Variants in DNAH3 observed in about 807,000 individuals in gnomAD.
DNAH3 encodes axonemal beta dynein heavy chain 3.
DNAH3 carries 332 observed loss-of-function variants against 432.5 expected under a neutral mutation model. The ratio of observed to expected loss-of-function variants is 0.77; its 90% CI spans 0.70 to 0.84. The LOEUF (loss-of-function observed/expected upper bound fraction) is 0.84. DNAH3 is among the 40% of genes least tolerant of loss of function. The pLI, the probability that DNAH3 is intolerant of heterozygous loss-of-function variation, is 0.00. For synonymous variants in DNAH3, 1,956 were observed against 1,900.2 expected (o/e 1.03, Z -0.76); for missense variants, 4,861 against 5,114.0 (o/e 0.95, Z 1.51).
chr16:21,037,744 C>T lies in DNAH3; in HGVS notation c.4950+17G>A. On this transcript the variant is annotated intron_variant, in intron 34 of 61. Coordinates refer to ENST00000261383, the Ensembl canonical transcript of DNAH3. ...TTGAGCCTTGGTCCTCGGCCAAGGT[C>T]CTGAACCGCTACATACCTGAAACAG... The T allele has an allele frequency of 6.2e-7, 1 of 1,612,764 alleles. No individual in the cohort carries two copies.
At chr16:20,950,273 G>A (rs1200288349) in intron 56 of DNAH3, among the ~76,000 whole-genome samples, 1 of 152,142 alleles carries the variant, frequency 6.6e-6, no homozygotes, top group South Asian at 2.1e-4. Context: ...TGACCTTCTG[G>A]CACTGAACTT....
rs1354710851 is a variant in DNAH3, at chr16:20,985,853, TG to T, written c.7027-139del. On this transcript the variant is annotated intron_variant, in intron 47 of 61. Coordinates refer to ENST00000261383, the Ensembl canonical transcript of DNAH3. ...CTTCAAGGTCATGGGTCATCAGTTT[TG>T]TTTTGTTTCGTTTTGTTTTGAGACA... is the stretch of plus-strand genomic sequence containing the variant. The T allele has an allele frequency of 3.3e-6, 3 of 913,516 alleles. No individual in the cohort carries two copies. The African/African-American group carries it at 5.0e-5, about 15-fold the overall frequency. 56.6% of individuals were successfully genotyped at this position (913,516 alleles called of 1,614,324 possible).
intron 51 of DNAH3, among the ~76,000 whole-genome samples, chr16:20,973,033 T>C (rs1449949597): frequency 6.6e-6 from 1 of 152,002 alleles, no homozygotes; most frequent in Admixed American, 6.6e-5. Context: ...CCAGCTGCCA[T>C]GACCTATTTA....
At chr16:21,078,481 A>G (rs772690079) in intron 20 of DNAH3, among the ~76,000 whole-genome samples, 1 of 152,122 alleles carries the variant, frequency 6.6e-6, no homozygotes, top group Non-Finnish European at 1.5e-5. Flanking sequence ...GGTGACCAAA[A>G]TGAGTGTGCA....
chr16:21,000,504 G>C (rs1415272690), exon 43 of DNAH3: 4 of 1,605,800 alleles, frequency 2.5e-6, no homozygotes, highest in Non-Finnish European at 3.4e-6. Flanking sequence ...TTGTGGGGAT[G>C]ATGAGTTCTG....
rs572630463 is a variant in DNAH3, at chr16:21,134,498, G to A, written c.887-44C>T. The A allele has an allele frequency of 9.6e-6, 15 of 1,557,820 alleles. No individual in the cohort carries two copies. The East Asian group carries it at 3.2e-4, about 33-fold the overall frequency. On this transcript the variant is annotated intron_variant, in intron 6 of 61. Coordinates refer to ENST00000261383, the Ensembl canonical transcript of DNAH3. Reference sequence around the variant, plus strand: ...AACACCTCATTATTAAGCTCTAAGGGTTGTGCTCTTAGCTTCAACTCATTT... The same window carrying A: ...AACACCTCATTATTAAGCTCTAAGGATTGTGCTCTTAGCTTCAACTCATTT...
At chr16:21,119,498 T>C (rs1221929928) in intron 11 of DNAH3, among the ~76,000 whole-genome samples, 1 of 151,450 alleles carries the variant, frequency 6.6e-6, no homozygotes, top group African/African-American at 2.4e-5. Context: ...GGCATGGTGG[T>C]GCACACCTGT....
At chr16:20,987,019 A>C (rs541541616) in intron 47 of DNAH3, among the ~76,000 whole-genome samples, 98 of 152,314 alleles carry the variant, frequency 6.4e-4, no homozygotes, top group Non-Finnish European at 1.2e-3. Flanking sequence ...TTGATCCTAA[A>C]AATGCATTTT....
intron 1 of DNAH3, among the ~76,000 whole-genome samples, chr16:21,151,956 C>T (rs1223681644): frequency 6.6e-6 from 1 of 152,002 alleles, no homozygotes; most frequent in Non-Finnish European, 1.5e-5. Context: ...AGATATGGGC[C>T]AGGTATGGTG....
chr16:20,963,689 C>T, exon 53 of DNAH3: 1 of 1,614,052 alleles, frequency 6.2e-7, no homozygotes, highest in African/African-American at 1.3e-5. Context: ...GCGATGCCTC[C>T]AGTGAGAAGG....
Position 21,031,399 on chromosome 16 carries a change from G to C in DNAH3, c.5198-113C>G, listed in dbSNP as rs530013713. 11 of 1,344,014 alleles carry C rather than the reference G, an allele frequency of 8.2e-6. No homozygotes were observed. The African/African-American group carries it at 1.6e-4, about 20-fold the overall frequency. 83.3% of individuals were successfully genotyped at this position (1,344,014 alleles called of 1,614,324 possible). A position where few individuals can be genotyped will look rare whatever the true frequency, so the allele number is the denominator to read the frequency against. On this transcript the variant is annotated intron_variant, in intron 36 of 61. Transcript: ENST00000261383. ...AACTTTTATAAATATGCCATATGAG[G>C]GAAGTCCTTCTTATAAAACATGTGC...
intron 9 of DNAH3, among the ~76,000 whole-genome samples, chr16:21,124,639 C>T (rs1437467809): frequency 1.4e-5 from 2 of 146,124 alleles, no homozygotes; most frequent in Non-Finnish European, 3.0e-5. Context: ...TCATCTCAAA[C>T]ATTTACTTTT....
At position 21,097,758 on chromosome 16, in the gene DNAH3, T is replaced by C. The variant is rs143827845; in HGVS notation, c.2521-259A>G. On this transcript the variant is annotated intron_variant, in intron 17 of 61. Coordinates refer to ENST00000261383, the Ensembl canonical transcript of DNAH3. ...TGCCCTATCATCTCTGTTTCCACTC[T>C]ATGACAGCCATATCTCCGTTTTCAT... 5.3e-5 allele frequency among the ~76,000 whole-genome samples: 8 copies of C among 152,344 alleles called. No homozygotes were observed. The East Asian group carries it at 7.7e-4, about 15-fold the overall frequency.
At chr16:20,942,975 C>G (rs2083883173) in intron 58 of DNAH3, among the ~76,000 whole-genome samples, 2 of 152,100 alleles carry the variant, frequency 1.3e-5, no homozygotes, top group African/African-American at 4.8e-5. Flanking sequence ...AAGGCATGAT[C>G]ACAGCCTCGT....
At chr16:20,966,142 A>T (rs1398209266) in intron 52 of DNAH3, among the ~76,000 whole-genome samples, 1 of 141,308 alleles carries the variant, frequency 7.1e-6, no homozygotes, top group Non-Finnish European at 1.5e-5. Context: ...GGTTCAAGCG[A>T]TTCTCCTACC....
intron 60 of DNAH3, among the ~76,000 whole-genome samples, chr16:20,936,021 T>C (rs2083575955): frequency 6.6e-6 from 1 of 152,188 alleles, no homozygotes; most frequent in Non-Finnish European, 1.5e-5. Context: ...CTTCTATTTT[T>C]TGCAGTACAA....
rs1410068153 is a variant in DNAH3, at chr16:21,067,185, A to T, written c.3518+98T>A. On this transcript the variant is annotated intron_variant, in intron 24 of 61. Transcript: ENST00000261383. Reference sequence around the variant, plus strand: ...AATGGAAAACCAGGAAAGAGTATGGACTAGATTGGTTGAAGCCAACTCTTG... The same window carrying T: ...AATGGAAAACCAGGAAAGAGTATGGTCTAGATTGGTTGAAGCCAACTCTTG... 3 of 1,311,198 alleles carry T rather than the reference A, an allele frequency of 2.3e-6. No individual in the cohort carries two copies. In the South Asian group the frequency reaches 3.6e-5, roughly 16 times the overall value. 81.2% of individuals were successfully genotyped at this position (1,311,198 alleles called of 1,614,324 possible). A position where few individuals can be genotyped will look rare whatever the true frequency, so the allele number is the denominator to read the frequency against.
intron 18 of DNAH3, among the ~76,000 whole-genome samples, chr16:21,092,371 G>C (rs1259706144): frequency 2.0e-5 from 3 of 151,872 alleles, no homozygotes; most frequent in Non-Finnish European, 4.4e-5. Flanking sequence ...ATAGAGAAAA[G>C]ATAGCCTTTT....
At position 20,985,662 on chromosome 16, in the gene DNAH3, G is replaced by A. The variant is rs1233082644; in HGVS notation, c.7080C>T (p.Ser2360=). ...GCTTGAAATAATCTCCAAAGAAGAG[G>A]CTTCGAATGTTATCATCGACTATCT... Residue 2360 remains serine (S), a synonymous_variant, in exon 48 of 62, where the codon AGC becomes AGT. Transcript: ENST00000261383. The A allele has an allele frequency of 3.7e-6, 6 of 1,614,052 alleles. No individual in the cohort carries two copies. The East Asian group carries it at 6.7e-5, about 18-fold the overall frequency.
Sources: gnomAD v4.1 joint callset for allele counts (sites outside exome capture counted in the v4.1 genomes callset) on GRCh38, gnomAD v4.1.1 for gene constraint, MANE v1.5 for transcripts, NCBI Gene and HGNC (gene_info 2026-07-23, HGNC 2026-07-21) for gene names.